The following KCNN1 variants were observed in gnomAD, a reference collection of about 807,000 sequenced individuals.
KCNN1 encodes potassium calcium-activated channel subfamily N member 1.
In KCNN1, 20 loss-of-function variants were observed where a neutral mutation model predicts 44.7. That is an observed-to-expected ratio of 0.45 (90% CI 0.32 to 0.65). The LOEUF is 0.65. Among genes scored for constraint, KCNN1 ranks in the 30% least tolerant of loss-of-function variants. KCNN1 has a pLI of 0.05. For missense variants in KCNN1, 632 were observed against 785.3 expected (o/e 0.80, Z 2.33); for synonymous variants, 324 against 341.7 (o/e 0.95, Z 0.57).
intron 5 of KCNN1, among the ~76,000 whole-genome samples, chr19:17,985,683 G>A (rs2032571929): frequency 6.6e-6 from 1 of 152,228 alleles, no homozygotes; most frequent in Admixed American, 6.5e-5. Flanking sequence ...GTCCTTCCAG[G>A]CCTAGATATG....
At chr19:17,990,089 A>G (rs1214655813) in intron 7 of KCNN1, 1 of 669,190 alleles carries the variant, frequency 1.5e-6, no homozygotes. Flanking sequence ...AATAACCAGG[A>G]TAATTCTTAC....
intron 9 of KCNN1, among the ~76,000 whole-genome samples, chr19:17,997,488 C>T (rs532772723): frequency 6.6e-6 from 1 of 152,208 alleles, no homozygotes; most frequent in Non-Finnish European, 1.5e-5. Context: ...GGCCTGCCAG[C>T]CCTGAGCTTG....
At position 17,969,377 on chromosome 19, in the gene KCNN1, C is replaced by T. The variant is rs866821762; in HGVS notation, c.-82+2060C>T. On this transcript the variant is annotated intron_variant, in intron 1 of 9. Transcript: ENST00000684775. ...CTGTCTCCCGTCTGTAAAATGGGAA[C>T]GGGAATGCCACCTTGCTCACCGGTG... 2.0e-5 allele frequency among the ~76,000 whole-genome samples: 3 copies of T among 152,296 alleles called. No homozygotes were observed. The East Asian group carries it at 5.8e-4, about 29-fold the overall frequency.
At position 17,983,022 on chromosome 19, in the gene KCNN1, A is replaced by T. The variant is rs1261476612; in HGVS notation, c.917+895A>T. On this transcript the variant is annotated intron_variant, in intron 4 of 9. Transcript: ENST00000684775. The surrounding 1 kb of genome is among the most constrained non-coding windows in gnomAD (Gnocchi z 4.5). ...GCCACTGCACTCCAGTCAAAAAAAAAAAAGACAAATAAATGGGTCTGGGAT... is the reference window on the plus strand; with the variant it reads ...GCCACTGCACTCCAGTCAAAAAAAATAAAGACAAATAAATGGGTCTGGGAT... Among the ~76,000 whole-genome samples, 4 of 152,086 alleles carry T rather than the reference A, an allele frequency of 2.6e-5. No individual in the cohort carries two copies. The highest frequency in any genetic ancestry group is 5.9e-5 in the Non-Finnish European group (4 of 67,976).
chr19:17,984,025 T>C (rs575978543), intron 4 of KCNN1, among the ~76,000 whole-genome samples: 2 of 151,288 alleles, frequency 1.3e-5, no homozygotes, highest in South Asian at 2.1e-4. Flanking sequence ...TAGATGGGCA[T>C]GGTGGCGGGC....
At chr19:17,985,501 G>T in intron 5 of KCNN1, 48 bp downstream of exon 5, 1 of 1,490,110 alleles carries the variant, frequency 6.7e-7, no homozygotes, top group South Asian at 1.4e-5. Context: ...CCAGCCAGCT[G>T]CCCGCTCCAC....
rs111685973 is a variant in KCNN1, at chr19:17,993,623, G to T, written c.1377+64G>T. 257 of 1,320,150 alleles carry T rather than the reference G, an allele frequency of 1.9e-4. No individual in the cohort carries two copies. The African/African-American group carries it at 2.8e-3, about 14-fold the overall frequency. The allele number at this position is 1,320,150 out of a possible 1,614,324, so 81.8% of individuals were successfully genotyped here. A position where few individuals can be genotyped will look rare whatever the true frequency, so the allele number is the denominator to read the frequency against. On this transcript the variant is annotated intron_variant, in intron 9 of 9. Coordinates refer to ENST00000684775, the MANE Select transcript of KCNN1 (RefSeq NM_001386974.1). This position sits in a 1 kb window ranked among gnomAD's most constrained non-coding sequence, Gnocchi z 4.5. ...TGGGGCCCCGGAGCAGATGGGATGG[G>T]GCTCAGCTCCTGCCGGAGGAGGGCA...
chr19:17,997,920 G>C (rs916806522), intron 9 of KCNN1, among the ~76,000 whole-genome samples: 2 of 151,154 alleles, frequency 1.3e-5, no homozygotes, highest in African/African-American at 4.9e-5. Context: ...AAAAAAGAGA[G>C]AAAGAAAAGA....
rs2032422254 is a variant in KCNN1, at chr19:17,981,858, G to A, written c.648G>A (p.Thr216=). 1.9e-6 allele frequency: 3 copies of A among 1,612,568 alleles called. No homozygotes were observed. Among genetic ancestry groups the A allele is most frequent in the Middle Eastern group, 1.7e-4 (1 of 6,058 alleles). ...RFTWTARLAF[T]YAPSVAEADV... is the part of the protein sequence containing the mutation. ...CGTGGACGGCGCGGCTGGCCTTCAC[G>A]TACGCGCCCTCGGTGGCCGAGGCCG... is the stretch of plus-strand genomic sequence containing the variant. The change falls in exon 4 of 10, where the codon ACG becomes ACA. Residue 216 remains threonine, a synonymous_variant. Coordinates refer to ENST00000684775, the MANE Select transcript of KCNN1 (RefSeq NM_001386974.1).
chr19:17,997,638 T>C (rs10404378), intron 9 of KCNN1, among the ~76,000 whole-genome samples: 56,375 of 151,974 alleles, frequency 0.37, 10,796 homozygotes, highest in East Asian at 0.45. Context: ...CGCTACCACA[T>C]CCGGCTAATT....
rs562295896 is a variant in KCNN1, at chr19:17,982,203, C to T, written c.917+76C>T. On this transcript the variant is annotated intron_variant, in intron 4 of 9. Coordinates refer to ENST00000684775, the MANE Select transcript of KCNN1 (RefSeq NM_001386974.1). ...GGACCTCCATGCCCATTCATGATTT[C>T]ACCGACCCTGGGCCCCTCCCGACCC... The T allele has an allele frequency of 1.2e-4, 151 of 1,224,764 alleles. 1 individual carries two copies. The East Asian group carries it at 4.0e-3, about 32-fold the overall frequency. The allele number at this position is 1,224,764 out of a possible 1,614,324, so 75.9% of individuals were successfully genotyped here.
intron 9 of KCNN1, among the ~76,000 whole-genome samples, chr19:17,997,822 C>T (rs765489902): frequency 1.3e-4 from 20 of 151,636 alleles, no homozygotes; most frequent in Non-Finnish European, 2.4e-4. Flanking sequence ...GGGCGCCTCC[C>T]GGAAAGAGGA....
Position 17,980,064 on chromosome 19 carries a change from C to CTT in KCNN1, c.499-1633_499-1632dup, listed in dbSNP as rs71164336. On this transcript the variant is annotated intron_variant, in intron 3 of 9. Transcript: ENST00000684775. ...ATTAATTTTCTTTTTCTTTTTCTTT[C>CTT]TTTTTTTTTTTTTATCGAGACAAGA... is the stretch of plus-strand genomic sequence containing the variant. 1.5e-3 allele frequency among the ~76,000 whole-genome samples: 200 copies of CTT among 137,816 alleles called. 1 individual carries two copies. Among genetic ancestry groups the CTT allele is most frequent in the East Asian group, 2.1e-3 (10 of 4,744 alleles). 90.4% of individuals were successfully genotyped at this position (137,816 alleles called of 152,430 possible).
Position 17,983,940 on chromosome 19 carries a change from C to T in KCNN1, c.918-1372C>T, listed in dbSNP as rs1200395663. ...TGGGAGGCCGAGGCGGGTGGATTACCAGGTCAGGAGATTGAGACCATCCTG... is the reference window on the plus strand; with the variant it reads ...TGGGAGGCCGAGGCGGGTGGATTACTAGGTCAGGAGATTGAGACCATCCTG... On this transcript the variant is annotated intron_variant, in intron 4 of 9. Coordinates refer to ENST00000684775, the MANE Select transcript of KCNN1 (RefSeq NM_001386974.1). This position sits in a 1 kb window ranked among gnomAD's most constrained non-coding sequence, Gnocchi z 4.5. Among the ~76,000 whole-genome samples, 1 of 151,672 alleles carries T rather than the reference C, an allele frequency of 6.6e-6. No homozygotes were observed. The highest frequency in any genetic ancestry group is 1.5e-5 in the Non-Finnish European group (1 of 67,918).
At position 17,974,054 on chromosome 19, in the gene KCNN1, C is replaced by A. The variant is rs981186321; in HGVS notation, c.166C>A (p.Pro56Thr). 1 of 1,610,548 alleles carries A rather than the reference C, an allele frequency of 6.2e-7. No homozygotes were observed. The highest frequency in any genetic ancestry group is 1.3e-5 in the African/African-American group (1 of 74,908). ...VAKSEPARPS[P>T]GSPRGQPQDQ... ...CAAGAGTGAGCCAGCCCGGCCCTCA[C>A]CCGGCAGCCCCCGGGGGCAGCCCCA... The change falls in exon 2 of 10, where the codon CCC becomes ACC. Residue 56 changes from proline to threonine, a missense_variant. Pro to Thr is a conservative substitution (Grantham distance 38). Coordinates refer to ENST00000684775, the MANE Select transcript of KCNN1 (RefSeq NM_001386974.1). This position sits in a 1 kb window ranked among gnomAD's most constrained non-coding sequence, Gnocchi z 7.3.
chr19:17,965,307 G>A (rs1293557349), upstream of KCNN1, among the ~76,000 whole-genome samples: 2 of 151,744 alleles, frequency 1.3e-5, no homozygotes, highest in Non-Finnish European at 2.9e-5. Context: ...AGCATCTGAT[G>A]CTACAGCCTG....
chr19:17,964,966 A>G (rs2031762954), upstream of KCNN1, among the ~76,000 whole-genome samples: 1 of 152,114 alleles, frequency 6.6e-6, no homozygotes, highest in African/African-American at 2.4e-5. The surrounding 1 kb of genome is among the most constrained non-coding windows in gnomAD (Gnocchi z 4.3). Flanking sequence ...GGACAGTTAC[A>G]TGTTAGACTT....
At chr19:17,989,176 G>C (rs1420223197) in intron 6 of KCNN1, among the ~76,000 whole-genome samples, 1 of 152,188 alleles carries the variant, frequency 6.6e-6, no homozygotes, top group Admixed American at 6.5e-5. Context: ...TCTGCATCAT[G>C]GCCGGGCGCG....
upstream of KCNN1, chr19:17,967,055 C>T (rs1599349293): frequency 2.1e-6 from 2 of 938,574 alleles, no homozygotes; most frequent in East Asian, 1.2e-4. Flanking sequence ...CGGGCTCGGC[C>T]AATCGGCGGC....
Sources: gnomAD v4.1 joint callset for allele counts (sites outside exome capture counted in the v4.1 genomes callset) on GRCh38, gnomAD v4.1.1 for gene constraint, Gnocchi (gnomAD v3.1) non-coding constraint, MANE v1.5 for transcripts, NCBI Gene and HGNC (gene_info 2026-07-23, HGNC 2026-07-21) for gene names.